Variants in NRG3 observed in about 807,000 individuals in gnomAD.
NRG3 encodes the protein neuregulin 3, also known as pro-neuregulin-3, membrane-bound isoform.
NRG3 carries 31 observed loss-of-function variants against 66.9 expected under a neutral mutation model. That is an observed-to-expected ratio of 0.46 (90% CI 0.35 to 0.63). The LOEUF (loss-of-function observed/expected upper bound fraction) is 0.63. Ranked by LOEUF, NRG3 falls within the 20% of genes least tolerant of loss-of-function variation. The pLI is 0.00. For missense variants in NRG3, 910 were observed against 878.9 expected (o/e 1.04, Z -0.45); for synonymous variants, 393 against 359.4 (o/e 1.09, Z -1.06).
chr10:82,840,371 C>T (rs1170877069), intron 3 of NRG3, among the ~76,000 whole-genome samples: 3 of 151,936 alleles, frequency 2.0e-5, no homozygotes, highest in Non-Finnish European at 4.4e-5. Flanking sequence ...ACTTTGTTTC[C>T]CATAGCACTT....
chr10:82,311,874 C>T (rs2081047326), intron 1 of NRG3, among the ~76,000 whole-genome samples: 1 of 152,198 alleles, frequency 6.6e-6, no homozygotes, highest in East Asian at 1.9e-4. Context: ...TCTTGATCCT[C>T]TCCATAAGAT....
intron 1 of NRG3, among the ~76,000 whole-genome samples, chr10:82,219,472 T>C (rs774709921): frequency 9.9e-5 from 15 of 151,960 alleles, no homozygotes; most frequent in Non-Finnish European, 2.1e-4. Context: ...TACATAAATG[T>C]CCATTAACCT....
At chr10:82,286,124 A>G (rs917323387) in intron 1 of NRG3, among the ~76,000 whole-genome samples, 7 of 152,104 alleles carry the variant, frequency 4.6e-5, no homozygotes, top group African/African-American at 1.4e-4. Flanking sequence ...TATATTCCCA[A>G]TGGGGGTGAG....
intron 4 of NRG3, among the ~76,000 whole-genome samples, chr10:82,885,059 C>CA (rs1273119872): frequency 6.6e-6 from 1 of 152,286 alleles, no homozygotes; most frequent in African/African-American, 2.4e-5. Context: ...TTCCAGATTT[C>CA]AAAACCTTCT....
At chr10:82,680,093 CCA>C (rs1024345965) in intron 2 of NRG3, among the ~76,000 whole-genome samples, 7 of 152,122 alleles carry the variant, frequency 4.6e-5, no homozygotes, top group African/African-American at 1.7e-4. Flanking sequence ...TTACCAATCA[CCA>C]AACACTATTC....
intron 4 of NRG3, among the ~76,000 whole-genome samples, chr10:82,916,761 G>A (rs570705358): frequency 5.9e-5 from 9 of 152,074 alleles, no homozygotes; most frequent in Non-Finnish European, 1.0e-4. Context: ...GTCTATAGGC[G>A]CGTGCCACCA....
chr10:82,711,449 T>C (rs1028807136), intron 2 of NRG3, among the ~76,000 whole-genome samples: 1 of 152,046 alleles, frequency 6.6e-6, no homozygotes, highest in African/African-American at 2.4e-5. Context: ...ATTCTCTAGC[T>C]TAAATTTTTA....
chr10:81,973,658 T>C (rs566917193), intron 1 of NRG3, among the ~76,000 whole-genome samples: 2 of 152,252 alleles, frequency 1.3e-5, no homozygotes, highest in Non-Finnish European at 2.9e-5. Flanking sequence ...CTCTCATAAT[T>C]AGTGATGTTG....
intron 1 of NRG3, among the ~76,000 whole-genome samples, chr10:82,105,404 G>C (rs908992906): frequency 6.6e-6 from 1 of 152,192 alleles, no homozygotes; most frequent in African/African-American, 2.4e-5. Context: ...ACTTGAGTTT[G>C]AGTAGTATCA....
intron 3 of NRG3, among the ~76,000 whole-genome samples, chr10:82,806,727 T>C (rs1453234401): frequency 6.6e-6 from 1 of 152,154 alleles, no homozygotes; most frequent in Non-Finnish European, 1.5e-5. Context: ...ACCAGATACG[T>C]AGAGAAGATG....
At chr10:82,642,438 G>A (rs190864098) in intron 2 of NRG3, among the ~76,000 whole-genome samples, 6 of 151,952 alleles carry the variant, frequency 3.9e-5, no homozygotes, top group African/African-American at 7.3e-5. Context: ...ACTTCCTGGT[G>A]AAATAATGCA....
intron 1 of NRG3, among the ~76,000 whole-genome samples, chr10:82,286,273 A>G (rs1261982287): frequency 6.6e-6 from 1 of 152,208 alleles, no homozygotes; most frequent in African/African-American, 2.4e-5. Flanking sequence ...ATAGTGAAAA[A>G]GTAGCAACTA....
intron 1 of NRG3, among the ~76,000 whole-genome samples, chr10:82,044,560 TA>T (rs1188091490): frequency 6.6e-6 from 1 of 152,044 alleles, no homozygotes; most frequent in African/African-American, 2.4e-5. Context: ...CATAACGAAA[TA>T]ATTTTTTTTA....
intron 4 of NRG3, among the ~76,000 whole-genome samples, chr10:82,892,523 A>T (rs969985224): frequency 6.6e-6 from 1 of 152,008 alleles, no homozygotes; most frequent in Non-Finnish European, 1.5e-5. Flanking sequence ...AAAATTAGCC[A>T]TGAGTGGTGG....
intron 2 of NRG3, among the ~76,000 whole-genome samples, chr10:82,596,964 C>A (rs552652018): frequency 5.3e-5 from 8 of 152,276 alleles, no homozygotes; most frequent in South Asian, 2.1e-4. Context: ...TTCTTCCCCC[C>A]ACCCTGTGGT....
At chr10:82,458,575 GA>G (rs2091374551) in intron 2 of NRG3, among the ~76,000 whole-genome samples, 1 of 152,130 alleles carries the variant, frequency 6.6e-6, no homozygotes, top group African/African-American at 2.4e-5. Flanking sequence ...GGAGAAACTG[GA>G]ACCAAAGGCA....
At chr10:82,239,442 C>T (rs1053080618) in intron 1 of NRG3, among the ~76,000 whole-genome samples, 1 of 152,138 alleles carries the variant, frequency 6.6e-6, no homozygotes, top group Non-Finnish European at 1.5e-5. Context: ...AGGCATGAGC[C>T]ACCGCACCTG....
intron 2 of NRG3, among the ~76,000 whole-genome samples, chr10:82,485,669 A>G (rs1033579193): frequency 6.6e-6 from 1 of 152,030 alleles, no homozygotes; most frequent in African/African-American, 2.4e-5. Context: ...GAAAGAATCC[A>G]TAGTAAGTTG....
At chr10:82,306,700 T>C (rs2080750583) in intron 1 of NRG3, among the ~76,000 whole-genome samples, 1 of 78,402 alleles carries the variant, frequency 1.3e-5, no homozygotes, top group Non-Finnish European at 2.1e-5. Flanking sequence ...TGAGACTCCG[T>C]CTTAAAAAAA....
Sources: gnomAD v4.1 joint callset for allele counts (sites outside exome capture counted in the v4.1 genomes callset) on GRCh38, gnomAD v4.1.1 for gene constraint, MANE v1.5 for transcripts, NCBI Gene and HGNC (gene_info 2026-07-23, HGNC 2026-07-21) for gene names.